Variants in MAP3K13 observed in about 807,000 individuals in gnomAD.
MAP3K13 encodes leucine zipper-bearing kinase.
MAP3K13 carries 52 observed loss-of-function variants against 104.0 expected under a neutral mutation model. The ratio of observed to expected loss-of-function variants is 0.50; its 90% CI spans 0.40 to 0.63. The LOEUF is 0.63. MAP3K13 is among the 20% of genes least tolerant of loss of function. MAP3K13 has a pLI of 0.00. For missense variants in MAP3K13, 914 were observed against 1,218.5 expected, an observed-to-expected ratio of 0.75 and a Z score of 3.72; for synonymous variants, 394 against 442.2, an observed-to-expected ratio of 0.89 and a Z score of 1.37.
chr3:185,375,664 G>A (rs540713209), intron 1 of MAP3K13, among the ~76,000 whole-genome samples: 88 of 152,294 alleles, frequency 5.8e-4, no homozygotes, highest in Admixed American at 2.3e-3. Flanking sequence ...AAGTTGGAAC[G>A]CTAGCTGCTT....
Position 185,463,603 on chromosome 3 carries a change from A to C in MAP3K13, c.1332A>C (p.Gly444=). ...ATTTTGAGAAGATCAAAAGTGAAGG[A>C]ACTTGTATACACCGGTTAGATGAAG... ...KKHFEKIKSE[G]TCIHRLDEEL... is the part of the protein sequence containing the mutation. The change falls in exon 8 of 14, where the codon GGA becomes GGC. Residue 444 remains glycine (G), a synonymous_variant. Transcript: ENST00000265026. 6.2e-7 allele frequency: 1 copy of C among 1,613,268 alleles called. No individual in the cohort carries two copies.
At chr3:185,308,182 T>C (rs1721370490) in intron 2 of MAP3K13, among the ~76,000 whole-genome samples, 1 of 152,134 alleles carries the variant, frequency 6.6e-6, no homozygotes, top group Non-Finnish European at 1.5e-5. Flanking sequence ...AGACTCTCTT[T>C]AGCCCAGCTA....
chr3:185,426,550 T>C (rs536034025), intron 1 of MAP3K13, among the ~76,000 whole-genome samples: 1 of 152,318 alleles, frequency 6.6e-6, no homozygotes, highest in South Asian at 2.1e-4. Flanking sequence ...CCCCATCACC[T>C]TCAGTATAAA....
intron 1 of MAP3K13, among the ~76,000 whole-genome samples, chr3:185,421,407 A>G (rs941680649): frequency 6.6e-6 from 1 of 152,066 alleles, no homozygotes; most frequent in Non-Finnish European, 1.5e-5. Flanking sequence ...CATGTTGAGC[A>G]GGCTGATCTC....
At chr3:185,324,801 G>A (rs1376749747) in intron 2 of MAP3K13, among the ~76,000 whole-genome samples, 1 of 88,402 alleles carries the variant, frequency 1.1e-5, no homozygotes, top group East Asian at 2.7e-4. Context: ...CTAAGAACCG[G>A]CACAATTAAA....
At chr3:185,319,177 G>A (rs1484470590) in intron 2 of MAP3K13, among the ~76,000 whole-genome samples, 1 of 152,022 alleles carries the variant, frequency 6.6e-6, no homozygotes, top group East Asian at 1.9e-4. Flanking sequence ...AACGCTTATA[G>A]CATTCCTCAT....
In MAP3K13 at chr3:185,482,484, G is replaced by C; in HGVS notation, c.*28G>C. ...AAGGAATACACATCCTGAAGATCTC[G>C]TGACTATACTGGCATTTCAGATCCA... On this transcript the variant is annotated 3_prime_UTR_variant, in exon 14 of 14. Transcript: ENST00000265026. The surrounding 1 kb of genome is among the most constrained non-coding windows in gnomAD (Gnocchi z 4.5). 1.3e-6 allele frequency: 2 copies of C among 1,525,180 alleles called. No individual in the cohort carries two copies. The highest frequency in any genetic ancestry group is 1.8e-6 in the Non-Finnish European group (2 of 1,100,048). The allele number at this position is 1,525,180 out of a possible 1,614,324, so 94.5% of individuals were successfully genotyped here.
intron 1 of MAP3K13, among the ~76,000 whole-genome samples, chr3:185,367,728 T>C (rs1393153082): frequency 2.6e-5 from 4 of 152,018 alleles, no homozygotes; most frequent in Non-Finnish European, 5.9e-5. Flanking sequence ...TCCGAATACC[T>C]GGGCCCACAG....
At chr3:185,360,406 T>A (rs1160927726), upstream of MAP3K13, among the ~76,000 whole-genome samples, 1 of 152,240 alleles carries the variant, frequency 6.6e-6, no homozygotes, top group South Asian at 2.1e-4. Flanking sequence ...AGTGTACATT[T>A]TTCATGCCTC....
chr3:185,356,644 A>G (rs1439885249), intron 2 of MAP3K13, among the ~76,000 whole-genome samples: 8 of 152,232 alleles, frequency 5.3e-5, no homozygotes, highest in African/African-American at 1.7e-4. Context: ...GTTGTCAAAC[A>G]TCCTGGGGAT....
At chr3:185,299,303 G>T (rs1721019858) in intron 2 of MAP3K13, among the ~76,000 whole-genome samples, 1 of 152,202 alleles carries the variant, frequency 6.6e-6, no homozygotes. Context: ...TAAGAAGAAA[G>T]CAGCTAAAAC....
intron 1 of MAP3K13, among the ~76,000 whole-genome samples, chr3:185,421,111 C>T (rs932002278): frequency 6.6e-6 from 1 of 152,190 alleles, no homozygotes; most frequent in African/African-American, 2.4e-5. Flanking sequence ...CATCACCTCA[C>T]CTACAGACCT....
At chr3:185,453,764 G>A (rs1274141408) in intron 7 of MAP3K13, among the ~76,000 whole-genome samples, 10 of 137,678 alleles carry the variant, frequency 7.3e-5, no homozygotes, top group Middle Eastern at 3.7e-3. Context: ...GCGAGACTCC[G>A]TCTAAAAAAA....
At chr3:185,383,561 CAAA>C (rs34255859) in intron 1 of MAP3K13, among the ~76,000 whole-genome samples, 19 of 91,226 alleles carry the variant, frequency 2.1e-4, no homozygotes, top group East Asian at 3.1e-4. Context: ...GACTCTGTCT[CAAA>C]AAAAAAAAAA....
At chr3:185,370,461 G>T (rs1009450957) in intron 1 of MAP3K13, among the ~76,000 whole-genome samples, 2 of 110,494 alleles carry the variant, frequency 1.8e-5, no homozygotes, top group African/African-American at 5.5e-5. Flanking sequence ...CGCCCAAAGT[G>T]CTGGGATTAC....
chr3:185,403,271 C>A (rs188318762), intron 1 of MAP3K13, among the ~76,000 whole-genome samples: 102 of 152,332 alleles, frequency 6.7e-4, no homozygotes, highest in Non-Finnish European at 5.9e-5. Flanking sequence ...CCACTCTGAA[C>A]CAACATACAT....
At chr3:185,471,981 G>C (rs1229208648) in intron 10 of MAP3K13, among the ~76,000 whole-genome samples, 1 of 152,200 alleles carries the variant, frequency 6.6e-6, no homozygotes, top group Non-Finnish European at 1.5e-5. Flanking sequence ...GAATGCAACA[G>C]TTTTGGTTCC....
chr3:185,418,059 A>T lies in MAP3K13; in HGVS notation c.-85-10438A>T. 6.2e-7 allele frequency: 1 copy of T among 1,611,982 alleles called. No individual in the cohort carries two copies. Among genetic ancestry groups the T allele is most frequent in the Non-Finnish European group, 8.5e-7 (1 of 1,179,766 alleles). Reference sequence around the variant, plus strand: ...AACGTCCCACATGCCCACCAGGAGCAAGCTTCAAAATGTTCAGCTTGCTTA... The same window carrying T: ...AACGTCCCACATGCCCACCAGGAGCTAGCTTCAAAATGTTCAGCTTGCTTA... On this transcript the variant is annotated intron_variant, in intron 1 of 13. Coordinates refer to ENST00000265026, the MANE Select transcript of MAP3K13 (RefSeq NM_004721.5). This position sits in a 1 kb window ranked among gnomAD's most constrained non-coding sequence, Gnocchi z 4.5.
chr3:185,455,349 TGATA>T (rs1716468339), intron 7 of MAP3K13, among the ~76,000 whole-genome samples: 1 of 60,888 alleles, frequency 1.6e-5, no homozygotes, highest in Non-Finnish European at 3.3e-5. Flanking sequence ...GAGATATATA[TGATA>T]TATATATGAG....
Sources: gnomAD v4.1 joint callset for allele counts (sites outside exome capture counted in the v4.1 genomes callset) on GRCh38, gnomAD v4.1.1 for gene constraint, Gnocchi (gnomAD v3.1) non-coding constraint, MANE v1.5 for transcripts, NCBI Gene and HGNC (gene_info 2026-07-23, HGNC 2026-07-21) for gene names.